Variants in ZNF469 observed in about 807,000 individuals in gnomAD.
ZNF469 encodes the protein zinc finger protein 469.
Under a neutral mutation model 1.0 loss-of-function variants are expected in ZNF469, and 1 was observed. That is an observed-to-expected ratio of 1.00 (90% CI 0.35 to 4.73). The LOEUF (loss-of-function observed/expected upper bound fraction) is 4.73. Among genes scored for constraint, ZNF469 ranks in the 30% most tolerant of loss-of-function variants. The pLI is 0.16. For missense variants in ZNF469, 6,100 were observed against 5,356.3 expected, an observed-to-expected ratio of 1.14 and a Z score of -4.33; for synonymous variants, 2,703 against 2,363.4, an observed-to-expected ratio of 1.14 and a Z score of -4.17.
the ZNF469 span, among the ~76,000 whole-genome samples, chr16:88,318,399 G>C: frequency 6.6e-6 from 1 of 152,220 alleles, no homozygotes; most frequent in Non-Finnish European, 1.5e-5. Context: ...TTCGGTAAGC[G>C]GGGAAGAGCC....
rs1429918039 is a variant in ZNF469 at position 88,437,843 on chromosome 16, C to T, written c.10373C>T (p.Ala3458Val). 5.8e-6 allele frequency: 9 copies of T among 1,540,086 alleles called. No homozygotes were observed. The highest frequency in any genetic ancestry group is 4.1e-5 in the African/African-American group (3 of 72,766). Residue 3458 changes from alanine (A) to valine (V), a missense_variant, in exon 3 of 3, where the codon GCG becomes GTG. By Grantham distance (64) the Ala-to-Val change is moderately conservative. Transcript: ENST00000565624. ...FAFRGVRRPG[A>V]PGQKARALEG... ...TTCCGCGGCGTGCGGAGGCCGGGAG[C>T]GCCGGGACAGAAGGCCCGGGCCCTC...
the ZNF469 span, among the ~76,000 whole-genome samples, chr16:88,297,612 G>A: frequency 3.2e-4 from 48 of 152,212 alleles, no homozygotes; most frequent in African/African-American, 8.9e-4. Context: ...TGGGAGTGTG[G>A]CAGCTCACTC....
the ZNF469 span, among the ~76,000 whole-genome samples, chr16:88,251,543 T>G: frequency 4.8e-5 from 1 of 20,738 alleles, no homozygotes; most frequent in Non-Finnish European, 1.1e-4. Context: ...GCTGTCTTTT[T>G]TTTTTTTTTT....
the ZNF469 span, among the ~76,000 whole-genome samples, chr16:88,207,828 C>T: frequency 1.1e-4 from 16 of 151,060 alleles, no homozygotes; most frequent in African/African-American, 3.6e-4. Flanking sequence ...GCAGCTGGGG[C>T]GCCCTGGATA....
At position 88,436,430 on chromosome 16, in the gene ZNF469, T is replaced by C; in HGVS notation, c.8960T>C (p.Ile2987Thr). The C allele has an allele frequency of 1.3e-6, 2 of 1,548,684 alleles. No individual in the cohort carries two copies. The highest frequency in any genetic ancestry group is 1.7e-6 in the Non-Finnish European group (2 of 1,146,952). The change falls in exon 3 of 3, where the codon ATT (isoleucine) becomes ACT (threonine). Residue 2987 changes from isoleucine to threonine, a missense_variant. Coordinates refer to ENST00000565624, the MANE Select transcript of ZNF469 (RefSeq NM_001367624.2). ...CCCGAGGACGATCGGCCGGAGGCCA[T>C]TCCTGAGCTGCACATGGTCCCAGCG... Reference protein sequence around the residue: ...HCPEDDRPEAIPELHMVPAAW... With the variant: ...HCPEDDRPEATPELHMVPAAW...
At chr16:88,102,514 CAAAACAAACA>C in the ZNF469 span, among the ~76,000 whole-genome samples, 4 of 152,214 alleles carry the variant, frequency 2.6e-5, no homozygotes, top group African/African-American at 9.6e-5. Flanking sequence ...AAAAACAAAA[CAAAACAAACA>C]AAAACAAACA....
chr16:88,110,627 G>A, the ZNF469 span, among the ~76,000 whole-genome samples: 14 of 152,236 alleles, frequency 9.2e-5, 1 homozygote, highest in African/African-American at 2.7e-4. Context: ...TCCTCCCAGC[G>A]TGGGCTGCTG....
chr16:88,367,974 G>A, the ZNF469 span, among the ~76,000 whole-genome samples: 1 of 152,178 alleles, frequency 6.6e-6, no homozygotes, highest in African/African-American at 2.4e-5. Flanking sequence ...AATGCCCGCA[G>A]ACGAAAGCAC....
the ZNF469 span, among the ~76,000 whole-genome samples, chr16:88,319,532 T>C: frequency 6.6e-6 from 1 of 152,130 alleles, no homozygotes; most frequent in Non-Finnish European, 1.5e-5. Context: ...AATGATCCCT[T>C]TTCCATGTGC....
In ZNF469 at chr16:88,434,384, G is replaced by A. The variant is rs868678097; in HGVS notation, c.6914G>A (p.Gly2305Glu). The A allele has an allele frequency of 4.5e-6, 7 of 1,549,820 alleles. 1 individual carries two copies. Among genetic ancestry groups the A allele is most frequent in the African/African-American group, 4.1e-5 (3 of 73,030 alleles). Residue 2305 changes from glycine (G) to glutamate (E), a missense_variant, in exon 3 of 3, where the codon GGG becomes GAG. Transcript: ENST00000565624. ...DEAQAGRGLP[G>E]PDPQSRGAPP... is the part of the protein sequence containing the mutation. Reference sequence around the variant, plus strand: ...GCACAGGCAGGCAGGGGACTCCCAGGGCCAGACCCCCAGAGCAGGGGAGCC... The same window carrying A: ...GCACAGGCAGGCAGGGGACTCCCAGAGCCAGACCCCCAGAGCAGGGGAGCC...
At chr16:88,148,434 G>A in the ZNF469 span, among the ~76,000 whole-genome samples, 18 of 152,270 alleles carry the variant, frequency 1.2e-4, no homozygotes, top group Admixed American at 6.5e-4. Context: ...TCCCACCAGC[G>A]TCCCACTCTG....
upstream of ZNF469, among the ~76,000 whole-genome samples, chr16:88,381,014 G>A (rs879498608): frequency 1.7e-3 from 117 of 67,208 alleles, 2 homozygotes; most frequent in South Asian, 0.011. Flanking sequence ...ACACACATGC[G>A]CTCACAGACA....
chr16:88,360,993 G>A, the ZNF469 span, among the ~76,000 whole-genome samples: 4 of 152,264 alleles, frequency 2.6e-5, 1 homozygote, highest in South Asian at 8.3e-4. Context: ...TTATTACATT[G>A]CAATATATAG....
At chr16:88,107,072 G>C in the ZNF469 span, among the ~76,000 whole-genome samples, 2 of 152,098 alleles carry the variant, frequency 1.3e-5, no homozygotes, top group African/African-American at 4.8e-5. Flanking sequence ...GGGGGTCTGC[G>C]TGCCTCGGCT....
the ZNF469 span, among the ~76,000 whole-genome samples, chr16:88,202,048 C>T: frequency 6.6e-6 from 1 of 152,170 alleles, no homozygotes; most frequent in African/African-American, 2.4e-5. Flanking sequence ...TCCTGCCGTG[C>T]TCCCCCCAGG....
At chr16:88,134,410 C>T in the ZNF469 span, among the ~76,000 whole-genome samples, 2 of 152,310 alleles carry the variant, frequency 1.3e-5, no homozygotes, top group East Asian at 1.9e-4. Flanking sequence ...GAGAGGTCTG[C>T]GTGGTTGCAC....
upstream of ZNF469, among the ~76,000 whole-genome samples, chr16:88,380,485 GCACA>G (rs560861930): frequency 5.9e-3 from 568 of 95,560 alleles, 6 homozygotes; most frequent in African/African-American, 0.021. Context: ...ACACATACGT[GCACA>G]CACACATGCA....
the ZNF469 span, among the ~76,000 whole-genome samples, chr16:88,349,268 C>G: frequency 6.6e-6 from 1 of 152,126 alleles, no homozygotes; most frequent in Non-Finnish European, 1.5e-5. Context: ...GAGCGAGGCT[C>G]TACACGCACA....
the ZNF469 span, among the ~76,000 whole-genome samples, chr16:88,215,383 A>ATTTTTTTTTTTTTT: frequency 2.1e-5 from 2 of 94,188 alleles, no homozygotes; most frequent in African/African-American, 8.8e-5. Context: ...TTGCCTTTTA[A>ATTTTTTTTTTTTTT]TTTTTTTTTT....
Sources: gnomAD v4.1 joint callset for allele counts (sites outside exome capture counted in the v4.1 genomes callset) on GRCh38, gnomAD v4.1.1 for gene constraint, MANE v1.5 for transcripts, NCBI Gene and HGNC (gene_info 2026-07-23, HGNC 2026-07-21) for gene names.